PIAS2: variants seen among roughly 807,000 people sequenced by gnomAD.
The protein encoded by PIAS2 is protein inhibitor of activated STAT 2.
A neutral mutation model predicts 69.7 loss-of-function variants in PIAS2; 19 were observed. The ratio of observed to expected loss-of-function variants is 0.27; its 90% CI spans 0.19 to 0.40. The LOEUF is 0.40. Among genes scored for constraint, PIAS2 ranks in the 10% least tolerant of loss-of-function variants. The pLI is 1.00. For synonymous variants in PIAS2, 261 were observed against 263.2 expected (o/e 0.99, Z 0.08); for missense variants, 624 against 757.0 (o/e 0.82, Z 2.06).
At chr18:46,858,771 TA>T (rs961084826) in intron 3 of PIAS2, among the ~76,000 whole-genome samples, 4 of 151,992 alleles carry the variant, frequency 2.6e-5, no homozygotes, top group African/African-American at 9.7e-5. Context: ...TATTCACACA[TA>T]AAAAATGGTA....
chr18:46,864,706 G>T (rs568166776), intron 2 of PIAS2, among the ~76,000 whole-genome samples: 2 of 150,662 alleles, frequency 1.3e-5, no homozygotes, highest in East Asian at 3.9e-4. Context: ...GAAGGTGGAG[G>T]TTGCAGTGAG....
chr18:46,890,995 C>G lies in PIAS2; in HGVS notation c.84G>C (p.Arg28=), dbSNP rs777660032. The G allele has an allele frequency of 5.0e-6, 8 of 1,613,970 alleles. No homozygotes were observed. The highest frequency in any genetic ancestry group is 6.8e-6 in the Non-Finnish European group (8 of 1,179,996). Residue 28 remains arginine (R), a synonymous_variant, in exon 2 of 14, where the codon CGG becomes CGC. Transcript: ENST00000585916. ...GGTCATGCTTGCGTCCACTTTTATT[C>G]CGTCCAGCAAAGCCTAGTAATACTT... The part of the protein sequence containing the change: ...ELQVLLGFAG[R]NKSGRKHDLL...
chr18:46,880,765 A>T (rs976153678), intron 2 of PIAS2, among the ~76,000 whole-genome samples: 1 of 152,254 alleles, frequency 6.6e-6, no homozygotes, highest in African/African-American at 2.4e-5. Context: ...GCTCTCTTCT[A>T]TATTAGCAAA....
intron 2 of PIAS2, among the ~76,000 whole-genome samples, chr18:46,865,130 G>A (rs933694695): frequency 6.6e-6 from 1 of 152,038 alleles, no homozygotes; most frequent in East Asian, 1.9e-4. Flanking sequence ...ACCTGCAATA[G>A]GTTAATAATG....
rs894545871 is a variant in PIAS2 at position 46,805,758 on chromosome 18, A to G, written c.*6675T>C. The G allele has an allele frequency of 3.3e-5, 5 of 152,212 alleles. No homozygotes were observed. Among genetic ancestry groups the G allele is most frequent in the Non-Finnish European group, 7.3e-5 (5 of 68,046 alleles). 9.4% of individuals were successfully genotyped at this position (152,212 alleles called of 1,614,324 possible). ...GGGGCGTGACTAGAACATAATACAG[A>G]ATGGAGATAAGTGAAGGCAAAAATG... is the stretch of plus-strand genomic sequence containing the variant. On this transcript the variant is annotated 3_prime_UTR_variant, in exon 14 of 14. Transcript: ENST00000585916.
At chr18:46,876,191 T>C (rs1413623823) in intron 2 of PIAS2, among the ~76,000 whole-genome samples, 1 of 152,178 alleles carries the variant, frequency 6.6e-6, no homozygotes, top group Non-Finnish European at 1.5e-5. Flanking sequence ...GCCATCCCTT[T>C]CACCCTAGAA....
At chr18:46,917,656 C>G (rs1398807295), upstream of PIAS2, 2 of 701,494 alleles carry the variant, frequency 2.9e-6, no homozygotes, top group African/African-American at 3.9e-5. Flanking sequence ...TGCCCCGCGG[C>G]TTGGCCCCGC....
chr18:46,835,262 T>C (rs2044268279), intron 9 of PIAS2, among the ~76,000 whole-genome samples: 2 of 152,222 alleles, frequency 1.3e-5, no homozygotes, highest in Non-Finnish European at 2.9e-5. Flanking sequence ...TGTGATAGAA[T>C]GTTAACAACT....
chr18:46,858,215 A>G (rs1305955529), intron 3 of PIAS2, among the ~76,000 whole-genome samples: 3 of 122,964 alleles, frequency 2.4e-5, no homozygotes, highest in Non-Finnish European at 5.5e-5. Context: ...GTAACAGGAG[A>G]TAAGATTAAA....
intron 1 of PIAS2, among the ~76,000 whole-genome samples, chr18:46,908,325 C>G (rs2056866696): frequency 6.6e-6 from 1 of 152,054 alleles, no homozygotes; most frequent in Admixed American, 6.6e-5. Flanking sequence ...GTTACTGTAA[C>G]TTTTTAACAA....
intron 3 of PIAS2, among the ~76,000 whole-genome samples, chr18:46,859,427 C>CAAAAAAAAAAAAAA (rs55776913): frequency 2.2e-5 from 2 of 89,566 alleles, no homozygotes; most frequent in Non-Finnish European, 4.0e-5. Context: ...GACTCCGTCT[C>CAAAAAAAAAAAAAA]AAAAAAAAAA....
intron 1 of PIAS2, among the ~76,000 whole-genome samples, chr18:46,893,766 T>C (rs1288482199): frequency 1.3e-5 from 2 of 152,114 alleles, no homozygotes; most frequent in Non-Finnish European, 2.9e-5. Context: ...CTTTGGACCC[T>C]GGGAAAGTCA....
intron 10 of PIAS2, among the ~76,000 whole-genome samples, chr18:46,828,527 A>G (rs976299380): frequency 6.6e-6 from 1 of 152,230 alleles, no homozygotes; most frequent in Non-Finnish European, 1.5e-5. Flanking sequence ...GGTGAGTTCA[A>G]CAGCTATGTA....
At chr18:46,835,651 T>C (rs1043396316) in intron 9 of PIAS2, among the ~76,000 whole-genome samples, 2 of 152,118 alleles carry the variant, frequency 1.3e-5, no homozygotes, top group Non-Finnish European at 2.9e-5. Context: ...TCACTATATA[T>C]TGAGTAAAAA....
At chr18:46,838,572 G>A (rs1411815970) in intron 8 of PIAS2, among the ~76,000 whole-genome samples, 1 of 152,178 alleles carries the variant, frequency 6.6e-6, no homozygotes, top group African/African-American at 2.4e-5. Context: ...ACAGAAAAAG[G>A]TCAGAATAAA....
chr18:46,860,944 C>A (rs1035844382), intron 3 of PIAS2, among the ~76,000 whole-genome samples: 1 of 152,142 alleles, frequency 6.6e-6, no homozygotes, highest in Non-Finnish European at 1.5e-5. Flanking sequence ...CACCACTGCA[C>A]TCCAGCCTGG....
At chr18:46,861,389 T>G (rs1339832148) in intron 3 of PIAS2, among the ~76,000 whole-genome samples, 1 of 152,214 alleles carries the variant, frequency 6.6e-6, no homozygotes, top group Non-Finnish European at 1.5e-5. Flanking sequence ...AAAGCCAAGA[T>G]TCACGAGTGA....
chr18:46,858,995 A>G (rs961153960), intron 3 of PIAS2, among the ~76,000 whole-genome samples: 6 of 152,248 alleles, frequency 3.9e-5, no homozygotes, highest in Admixed American at 3.9e-4. Flanking sequence ...AGTGAGGTTT[A>G]GTCACCTGTC....
intron 8 of PIAS2, among the ~76,000 whole-genome samples, chr18:46,838,301 A>G (rs1197474470): frequency 3.3e-5 from 5 of 152,234 alleles, no homozygotes; most frequent in African/African-American, 9.6e-5. Flanking sequence ...ATTACATAAC[A>G]ATTATACTAA....
Sources: gnomAD v4.1 joint callset for allele counts (sites outside exome capture counted in the v4.1 genomes callset) on GRCh38, gnomAD v4.1.1 for gene constraint, MANE v1.5 for transcripts, NCBI Gene and HGNC (gene_info 2026-07-23, HGNC 2026-07-21) for gene names.